PCNX4: variants seen among roughly 807,000 people sequenced by gnomAD.
The protein encoded by PCNX4 is pecanex 4.
A neutral mutation model predicts 107.2 loss-of-function variants in PCNX4; 103 were observed. The ratio of observed to expected loss-of-function variants is 0.96; its 90% CI spans 0.82 to 1.13. PCNX4 has a LOEUF of 1.13. Among genes scored for constraint, PCNX4 ranks in the 50% most tolerant of loss-of-function variants. The pLI, the probability that PCNX4 is intolerant of heterozygous loss-of-function variation, is 0.00. For synonymous variants in PCNX4, 541 were observed against 481.7 expected, an observed-to-expected ratio of 1.12 and a Z score of -1.61; for missense variants, 1,528 against 1,379.4, an observed-to-expected ratio of 1.11 and a Z score of -1.71.
chr14:60,114,894 A>G lies in PCNX4; in HGVS notation c.869+15A>G, dbSNP rs758342131. On this transcript the variant is annotated intron_variant, in intron 3 of 10. Coordinates refer to ENST00000406854, the MANE Select transcript of PCNX4 (RefSeq NM_001330177.2). ...ACCCACTTACGGTATTTATTTTTAA[A>G]TATTGATGTTATATGTAATATTCTT... 6 of 1,586,650 alleles carry G rather than the reference A, an allele frequency of 3.8e-6. No individual in the cohort carries two copies. Among genetic ancestry groups the G allele is most frequent in the African/African-American group, 1.4e-5 (1 of 73,036 alleles).
chr14:60,143,376 T>C lies in PCNX4; in HGVS notation c.*9155T>C, dbSNP rs1224745049. On this transcript the variant is annotated 3_prime_UTR_variant, in exon 11 of 11. Coordinates refer to ENST00000406854, the MANE Select transcript of PCNX4 (RefSeq NM_001330177.2). ...GGTGTGTTGTATTCAATAAATAATGTTGTTATTCCAGTTTTCATCACTGGT... is the reference window on the plus strand; with the variant it reads ...GGTGTGTTGTATTCAATAAATAATGCTGTTATTCCAGTTTTCATCACTGGT... The C allele has an allele frequency of 6.6e-6, 1 of 152,064 alleles. No individual in the cohort carries two copies. Among genetic ancestry groups the C allele is most frequent in the Non-Finnish European group, 1.5e-5 (1 of 67,948 alleles). 9.4% of individuals were successfully genotyped at this position (152,064 alleles called of 1,614,324 possible).
chr14:60,114,279 T>C (rs1416404387), intron 2 of PCNX4, among the ~76,000 whole-genome samples: 1 of 152,220 alleles, frequency 6.6e-6, no homozygotes. Context: ...TTATAAAATT[T>C]TAAAACTCTG....
In PCNX4 at chr14:60,100,445, C is replaced by T. The variant is rs1595159954; in HGVS notation, c.-53-7141C>T. Among the ~76,000 whole-genome samples the T allele has an allele frequency of 2.0e-5, 3 of 152,178 alleles. No individual in the cohort carries two copies. In the East Asian group the frequency reaches 5.8e-4, roughly 29 times the overall value. ...TCCCAAGTAGCTGGGATTACAGGCA[C>T]CCACCACCATGCTTGGCTAACTTTT... On this transcript the variant is annotated intron_variant, in intron 1 of 10. Transcript: ENST00000406854.
intron 10 of PCNX4, among the ~76,000 whole-genome samples, chr14:60,130,949 G>A (rs1896143991): frequency 6.6e-6 from 1 of 152,078 alleles, no homozygotes; most frequent in Non-Finnish European, 1.5e-5. Flanking sequence ...AGGTAATTAG[G>A]CTTAGATGAG....
intron 1 of PCNX4, among the ~76,000 whole-genome samples, chr14:60,095,882 C>G (rs1595157391): frequency 6.6e-6 from 1 of 151,552 alleles, no homozygotes; most frequent in East Asian, 1.9e-4. Flanking sequence ...TTTATAGCAA[C>G]AAAAGGAAAT....
chr14:60,115,451 G>A lies in PCNX4; in HGVS notation c.1347G>A (p.Leu449=), dbSNP rs758607688. 23 of 1,521,860 alleles carry A rather than the reference G, an allele frequency of 1.5e-5. No homozygotes were observed. The East Asian group carries it at 5.2e-4, about 34-fold the overall frequency. The allele number at this position is 1,521,860 out of a possible 1,614,324, so 94.3% of individuals were successfully genotyped here. Residue 449 remains leucine (L), a synonymous_variant, in exon 4 of 11, where the codon TTG becomes TTA. Transcript: ENST00000406854. ...LMKIGIVRRI[L]LTLVSPFAMI... Reference sequence around the variant, plus strand: ...AGATTGGTATTGTCAGACGGATTTTGCTAACTTTAGGTAGGAAGATAAAGT... The same window carrying A: ...AGATTGGTATTGTCAGACGGATTTTACTAACTTTAGGTAGGAAGATAAAGT...
At chr14:60,097,208 C>G (rs961741216) in intron 1 of PCNX4, among the ~76,000 whole-genome samples, 13 of 152,276 alleles carry the variant, frequency 8.5e-5, no homozygotes, top group African/African-American at 2.9e-4. Flanking sequence ...CAACTAATAA[C>G]TGAGGGTGCC....
intron 1 of PCNX4, among the ~76,000 whole-genome samples, chr14:60,096,314 C>A (rs1895424243): frequency 6.6e-6 from 1 of 152,140 alleles, no homozygotes; most frequent in African/African-American, 2.4e-5. Flanking sequence ...GCATGACTTC[C>A]TTGTTTAGCA....
At chr14:60,095,582 AAATTT>A (rs1188210229) in intron 1 of PCNX4, among the ~76,000 whole-genome samples, 1 of 152,204 alleles carries the variant, frequency 6.6e-6, no homozygotes, top group African/African-American at 2.4e-5. Flanking sequence ...TGGGGTCCCA[AAATTT>A]AATTTCCTTT....
chr14:60,115,768 AG>A lies in PCNX4; in HGVS notation c.1410del (p.Leu471SerfsTer36), dbSNP rs748322617. The A allele has an allele frequency of 2.5e-6, 4 of 1,613,460 alleles. No individual in the cohort carries two copies. In the South Asian group the frequency reaches 3.3e-5, roughly 13 times the overall value. On this transcript the variant is annotated frameshift_variant, in exon 5 of 11. Transcript: ENST00000406854. LOFTEE classifies it high-confidence loss of function. ...AFLSLDSSLQ[G>X]LHSVSVCIGF... ...TTCTTTCATTGGACAGTTCCTTACA[AG>A]GGCTCCACTCAGTGTCTGTCTGTAT...
rs1341869702 is a variant in PCNX4 at position 60,138,601 on chromosome 14, C to G, written c.*4380C>G. On this transcript the variant is annotated 3_prime_UTR_variant, in exon 11 of 11. Transcript: ENST00000406854. ...TTTTCAGGTTACTGAAAGAAAATATCTGCAATTTTAGAATTCAATACCCAG... is the reference window on the plus strand; with the variant it reads ...TTTTCAGGTTACTGAAAGAAAATATGTGCAATTTTAGAATTCAATACCCAG... 6.6e-6 allele frequency: 1 copy of G among 152,100 alleles called. No individual in the cohort carries two copies. Among genetic ancestry groups the G allele is most frequent in the Non-Finnish European group, 1.5e-5 (1 of 68,022 alleles). 9.4% of individuals were successfully genotyped at this position (152,100 alleles called of 1,614,324 possible). A position where few individuals can be genotyped will look rare whatever the true frequency, so the allele number is the denominator to read the frequency against.
chr14:60,093,145 C>G lies in PCNX4; in HGVS notation c.-54+726C>G, dbSNP rs540567792. ...CTGTTGGCTGCTCCTAAATTTCCTA[C>G]TTAAAGAGCTGCCTTCTAATTATTA... On this transcript the variant is annotated intron_variant, in intron 1 of 10. Coordinates refer to ENST00000406854, the MANE Select transcript of PCNX4 (RefSeq NM_001330177.2). 2.6e-4 allele frequency among the ~76,000 whole-genome samples: 39 copies of G among 152,302 alleles called. 1 individual carries two copies. Among genetic ancestry groups the G allele is most frequent in the Admixed American group, 6.5e-4 (10 of 15,304 alleles).
At position 60,138,756 on chromosome 14, in the gene PCNX4, A is replaced by G. The variant is rs1896270699; in HGVS notation, c.*4535A>G. 1 of 152,198 alleles carries G rather than the reference A, an allele frequency of 6.6e-6. No homozygotes were observed. The highest frequency in any genetic ancestry group is 2.4e-5 in the African/African-American group (1 of 41,470). 9.4% of individuals were successfully genotyped at this position (152,198 alleles called of 1,614,324 possible). A position where few individuals can be genotyped will look rare whatever the true frequency, so the allele number is the denominator to read the frequency against. On this transcript the variant is annotated 3_prime_UTR_variant, in exon 11 of 11. Transcript: ENST00000406854. ...AGACAGAAGGAAAAAGATCCCAGAA[A>G]AAGGTTAGAGATAAAGGTAGGAATG...
rs534586141 is a variant in PCNX4, at chr14:60,137,082, T to C, written c.*2861T>C. ...ACTAGCAATGCCAGGCAAAATAGTA[T>C]TTTAAAATCTGCTTAAAGGCATTAG... On this transcript the variant is annotated 3_prime_UTR_variant, in exon 11 of 11. Coordinates refer to ENST00000406854, the MANE Select transcript of PCNX4 (RefSeq NM_001330177.2). The C allele has an allele frequency of 6.6e-6, 1 of 152,328 alleles. No individual in the cohort carries two copies. The highest frequency in any genetic ancestry group is 1.9e-4 in the East Asian group (1 of 5,194). The allele number at this position is 152,328 out of a possible 1,614,324, so 9.4% of individuals were successfully genotyped here.
At position 60,142,540 on chromosome 14, in the gene PCNX4, A is replaced by G. The variant is rs940735551; in HGVS notation, c.*8319A>G. On this transcript the variant is annotated 3_prime_UTR_variant, in exon 11 of 11. Coordinates refer to ENST00000406854, the MANE Select transcript of PCNX4 (RefSeq NM_001330177.2). The surrounding 1 kb of genome is among the most constrained non-coding windows in gnomAD (Gnocchi z 4.7). ...GATGCCGAGTAATAAATACTTTAAAAAAAGTTAAATGTGAACATTTGGCTT... is the reference window on the plus strand; with the variant it reads ...GATGCCGAGTAATAAATACTTTAAAGAAAGTTAAATGTGAACATTTGGCTT... 1 of 152,242 alleles carries G rather than the reference A, an allele frequency of 6.6e-6. No homozygotes were observed. Among genetic ancestry groups the G allele is most frequent in the African/African-American group, 2.4e-5 (1 of 41,450 alleles). 9.4% of individuals were successfully genotyped at this position (152,242 alleles called of 1,614,324 possible).
In PCNX4 at chr14:60,134,872, C is replaced by G. The variant is rs527748438; in HGVS notation, c.*651C>G. On this transcript the variant is annotated 3_prime_UTR_variant, in exon 11 of 11. Coordinates refer to ENST00000406854, the MANE Select transcript of PCNX4 (RefSeq NM_001330177.2). ...ATCCCATTCATCATGTGAATATTCA[C>G]AGGAAGAGCAATGTTAGGGTAATCT... 1 of 152,308 alleles carries G rather than the reference C, an allele frequency of 6.6e-6. No individual in the cohort carries two copies. Among genetic ancestry groups the G allele is most frequent in the South Asian group, 2.1e-4 (1 of 4,832 alleles). The allele number at this position is 152,308 out of a possible 1,614,324, so 9.4% of individuals were successfully genotyped here. A position where few individuals can be genotyped will look rare whatever the true frequency, so the allele number is the denominator to read the frequency against.
intron 1 of PCNX4, among the ~76,000 whole-genome samples, chr14:60,100,280 A>T (rs1032240687): frequency 6.6e-6 from 1 of 151,882 alleles, no homozygotes; most frequent in East Asian, 1.9e-4. Context: ...CCAAACATAT[A>T]TACATACTTG....
chr14:60,132,741 C>A (rs943334234), intron 10 of PCNX4, among the ~76,000 whole-genome samples: 1 of 151,678 alleles, frequency 6.6e-6, no homozygotes, highest in Non-Finnish European at 1.5e-5. Flanking sequence ...AAAAAAAAAA[C>A]TTACAACTCT....
chr14:60,118,237 A>G (rs899629097), intron 6 of PCNX4, 92 bp from the exon 7 acceptor site: 1 of 1,327,694 alleles, frequency 7.5e-7, no homozygotes, highest in Middle Eastern at 2.2e-4. Context: ...TGGGGCAATA[A>G]TAAAATTACT....
Sources: allele counts gnomAD v4.1 joint callset (sites outside exome capture counted in the v4.1 genomes callset), GRCh38; gene constraint gnomAD v4.1.1; non-coding constraint Gnocchi (gnomAD v3.1); transcripts MANE v1.5; gene names NCBI Gene and HGNC (gene_info 2026-07-23, HGNC 2026-07-21).